EXOC6B: variants seen among roughly 807,000 people sequenced by gnomAD.
EXOC6B encodes exocyst complex component 6B, also known as SEC15 homolog B.
In EXOC6B, 54 loss-of-function variants were observed where a neutral mutation model predicts 113.5. The ratio of observed to expected loss-of-function variants is 0.48; its 90% confidence interval spans 0.38 to 0.60. EXOC6B has a LOEUF of 0.60. EXOC6B is among the 20% of genes least tolerant of loss of function. EXOC6B has a pLI of 0.00. For missense variants in EXOC6B, 797 were observed against 977.5 expected (o/e 0.82, Z 2.46); for synonymous variants, 357 against 339.0 (o/e 1.05, Z -0.58).
intron 18 of EXOC6B, among the ~76,000 whole-genome samples, chr2:72,436,647 G>GT (rs1334176356): frequency 6.6e-6 from 1 of 151,582 alleles, no homozygotes; most frequent in African/African-American, 2.4e-5. Context: ...ATTTCATTAA[G>GT]TTGATCTTCA....
chr2:72,279,281 C>G (rs1257963489), intron 20 of EXOC6B, among the ~76,000 whole-genome samples: 1 of 152,140 alleles, frequency 6.6e-6, no homozygotes, highest in African/African-American at 2.4e-5. Context: ...TATTCCAGTG[C>G]TAAGATCTGT....
chr2:72,658,530 T>C (rs901301995), intron 6 of EXOC6B, among the ~76,000 whole-genome samples: 12 of 151,914 alleles, frequency 7.9e-5, no homozygotes, highest in Non-Finnish European at 1.3e-4. Context: ...TGATCATCTC[T>C]AAATATAAAT....
intron 1 of EXOC6B, among the ~76,000 whole-genome samples, chr2:72,780,992 A>T (rs1189804690): frequency 6.6e-6 from 1 of 152,170 alleles, no homozygotes. Flanking sequence ...CAAGTGATCA[A>T]ATTCCTAACT....
At chr2:72,180,930 C>G (rs1372212816) in intron 21 of EXOC6B, among the ~76,000 whole-genome samples, 1 of 152,168 alleles carries the variant, frequency 6.6e-6, no homozygotes, top group Non-Finnish European at 1.5e-5. Context: ...ATTCTTTCGG[C>G]TGGGCGCGGT....
chr2:72,481,744 T>C (rs558019797), intron 16 of EXOC6B, among the ~76,000 whole-genome samples: 1 of 152,204 alleles, frequency 6.6e-6, no homozygotes, highest in Non-Finnish European at 1.5e-5. Flanking sequence ...CACAGAGTTA[T>C]TGTGAGGATT....
At chr2:72,538,216 G>T (rs1178876919) in intron 8 of EXOC6B, among the ~76,000 whole-genome samples, 3 of 152,060 alleles carry the variant, frequency 2.0e-5, no homozygotes, top group African/African-American at 4.8e-5. Context: ...TCCTGCCTTT[G>T]CCTCCCAAAG....
At chr2:72,403,181 T>C (rs1573041156) in intron 18 of EXOC6B, among the ~76,000 whole-genome samples, 1 of 152,248 alleles carries the variant, frequency 6.6e-6, no homozygotes, top group African/African-American at 2.4e-5. Flanking sequence ...TACCAAGCTT[T>C]TCTTCTTGGG....
chr2:72,728,324 A>G (rs934482526), intron 5 of EXOC6B, among the ~76,000 whole-genome samples: 2 of 152,216 alleles, frequency 1.3e-5, no homozygotes, highest in African/African-American at 4.8e-5. Context: ...TCTATATTTA[A>G]CTAATCCCTA....
At chr2:72,250,805 C>T (rs1682968320) in intron 20 of EXOC6B, among the ~76,000 whole-genome samples, 1 of 151,286 alleles carries the variant, frequency 6.6e-6, no homozygotes, top group Admixed American at 6.6e-5. Flanking sequence ...ATAAAAGAAG[C>T]ACAGGTCTTC....
chr2:72,725,537 A>G (rs1049126953), intron 5 of EXOC6B, among the ~76,000 whole-genome samples: 1 of 152,040 alleles, frequency 6.6e-6, no homozygotes, highest in African/African-American at 2.4e-5. Context: ...GGTTACAGAC[A>G]CAGACCACCA....
chr2:72,590,035 T>C (rs1378351913), intron 6 of EXOC6B, among the ~76,000 whole-genome samples: 1 of 151,948 alleles, frequency 6.6e-6, no homozygotes, highest in African/African-American at 2.4e-5. Flanking sequence ...TTTAGTGTGG[T>C]TTACTAGAAA....
At chr2:72,591,997 A>G (rs140240036) in intron 6 of EXOC6B, among the ~76,000 whole-genome samples, 9 of 152,120 alleles carry the variant, frequency 5.9e-5, no homozygotes, top group Non-Finnish European at 1.3e-4. Context: ...TCTTAATATT[A>G]TGTTGTTTTA....
chr2:72,636,937 A>C (rs566799271), intron 6 of EXOC6B, among the ~76,000 whole-genome samples: 5 of 152,248 alleles, frequency 3.3e-5, no homozygotes, highest in African/African-American at 1.2e-4. Flanking sequence ...CAAAAAAAAA[A>C]ACTACTAGAA....
intron 18 of EXOC6B, among the ~76,000 whole-genome samples, chr2:72,441,577 A>AATAAG (rs1696203450): frequency 6.6e-6 from 1 of 152,232 alleles, no homozygotes; most frequent in South Asian, 2.1e-4. Flanking sequence ...CTAAACCCGC[A>AATAAG]GAAATACAAA....
chr2:72,343,875 G>A (rs1689169608), intron 19 of EXOC6B, among the ~76,000 whole-genome samples: 1 of 152,040 alleles, frequency 6.6e-6, no homozygotes, highest in African/African-American at 2.4e-5. Flanking sequence ...TATGTAATGA[G>A]TCTTGTAAGC....
At chr2:72,596,847 G>A (rs1157871196) in intron 6 of EXOC6B, among the ~76,000 whole-genome samples, 4 of 151,352 alleles carry the variant, frequency 2.6e-5, no homozygotes, top group Non-Finnish European at 5.9e-5. Flanking sequence ...GAAATTGAAG[G>A]CTCTGACACC....
intron 18 of EXOC6B, among the ~76,000 whole-genome samples, chr2:72,397,660 T>TAAAATACAATAAAATAAAAAAA (rs146573352): frequency 7.2e-6 from 1 of 139,852 alleles, no homozygotes; most frequent in South Asian, 2.1e-4. Context: ...TAAAATAAAA[T>TAAAATACAATAAAATAAAAAAA]TATATATATA....
intron 6 of EXOC6B, among the ~76,000 whole-genome samples, chr2:72,675,777 A>C (rs986748303): frequency 1.3e-5 from 2 of 151,932 alleles, no homozygotes; most frequent in South Asian, 4.2e-4. Context: ...CTGGGTGACA[A>C]AGTGAGACCA....
intron 6 of EXOC6B, among the ~76,000 whole-genome samples, chr2:72,690,630 C>G (rs1677420020): frequency 6.6e-6 from 1 of 152,172 alleles, no homozygotes; most frequent in Non-Finnish European, 1.5e-5. Flanking sequence ...TTTTTATTTA[C>G]AGTACTAGTC....
Sources: gnomAD v4.1 joint callset for allele counts (sites outside exome capture counted in the v4.1 genomes callset) on GRCh38, gnomAD v4.1.1 for gene constraint, MANE v1.5 for transcripts, NCBI Gene and HGNC (gene_info 2026-07-23, HGNC 2026-07-21) for gene names.